SLCO3A1: variants seen among roughly 807,000 people sequenced by gnomAD.
SLCO3A1 encodes PGE1 transporter.
A neutral mutation model predicts 63.1 loss-of-function variants in SLCO3A1; 27 were observed. That is an observed-to-expected ratio of 0.43 (90% CI 0.32 to 0.59). The LOEUF is 0.59. SLCO3A1 is among the 20% of genes least tolerant of loss of function. SLCO3A1 has a pLI of 0.09. For synonymous variants in SLCO3A1, 473 were observed against 409.9 expected (o/e 1.15, Z -1.86); for missense variants, 773 against 945.8 (o/e 0.82, Z 2.40).
Position 91,886,592 on chromosome 15 carries a change from C to T in SLCO3A1, c.181-29401C>T, listed in dbSNP as rs2151352090. On this transcript the variant is annotated intron_variant, in intron 1 of 9. Coordinates refer to ENST00000318445, the MANE Select transcript of SLCO3A1 (RefSeq NM_013272.4). This position sits in a 1 kb window ranked among gnomAD's most constrained non-coding sequence, Gnocchi z 4.9. ...CGTCAGTGTTGTTTCTACGGTGTGACCATATTTGATGTGCTTACTGATTCC... is the reference window on the plus strand; with the variant it reads ...CGTCAGTGTTGTTTCTACGGTGTGATCATATTTGATGTGCTTACTGATTCC... Among the ~76,000 whole-genome samples, 1 of 152,280 alleles carries T rather than the reference C, an allele frequency of 6.6e-6. No individual in the cohort carries two copies. The highest frequency in any genetic ancestry group is 1.5e-5 in the Non-Finnish European group (1 of 68,036).
At chr15:92,097,339 CT>C (rs2047551557) in intron 3 of SLCO3A1, among the ~76,000 whole-genome samples, 1 of 152,224 alleles carries the variant, frequency 6.6e-6, no homozygotes, top group South Asian at 2.1e-4. Flanking sequence ...TCACCAAACT[CT>C]CTTAGGAGAA....
intron 9 of SLCO3A1, chr15:92,161,950 A>T (rs2048443813): frequency 7.5e-6 from 1 of 132,890 alleles, no homozygotes; most frequent in African/African-American, 2.9e-5. Context: ...CACACACAGT[A>T]TGCCGGCGCT....
intron 1 of SLCO3A1, among the ~76,000 whole-genome samples, chr15:91,907,751 C>CCTG (rs2151374395): frequency 6.6e-6 from 1 of 150,794 alleles, no homozygotes; most frequent in South Asian, 2.1e-4. Flanking sequence ...GTCTTGAACT[C>CCTG]CTGACCTCAG....
At chr15:91,957,978 C>T (rs1282204488) in intron 2 of SLCO3A1, among the ~76,000 whole-genome samples, 1 of 152,070 alleles carries the variant, frequency 6.6e-6, no homozygotes, top group Non-Finnish European at 1.5e-5. Flanking sequence ...TACATTTGAT[C>T]CATGAACAAC....
chr15:92,165,207 A>G lies in SLCO3A1; in HGVS notation c.*2072A>G. 1.0e-6 allele frequency: 1 copy of G among 985,404 alleles called. No homozygotes were observed. Among genetic ancestry groups the G allele is most frequent in the Non-Finnish European group, 1.2e-6 (1 of 829,930 alleles). The allele number at this position is 985,404 out of a possible 1,614,324, so 61.0% of individuals were successfully genotyped here. ...ACCGTGATCAGCTACCTGGGGCAGG[A>G]TGCTTCTGAGACAGGCCTTTCAACT... On this transcript the variant is annotated 3_prime_UTR_variant, in exon 10 of 10. Transcript: ENST00000318445.
rs972238196 is a variant in SLCO3A1, at chr15:92,110,175, T to G, written c.1009+5633T>G. Among the ~76,000 whole-genome samples, 109 of 152,246 alleles carry G rather than the reference T, an allele frequency of 7.2e-4. 1 individual carries two copies. Among genetic ancestry groups the G allele is most frequent in the African/African-American group, 2.5e-3 (104 of 41,552 alleles). ...GAGGAGCTGAGATCCTCCTGGGTCC[T>G]TGTAACCTCCCCTCCCCTCCAGCAA... On this transcript the variant is annotated intron_variant, in intron 4 of 9. Coordinates refer to ENST00000318445, the MANE Select transcript of SLCO3A1 (RefSeq NM_013272.4).
chr15:91,909,997 C>T (rs778759091), intron 1 of SLCO3A1, among the ~76,000 whole-genome samples: 1 of 152,212 alleles, frequency 6.6e-6, no homozygotes, highest in Non-Finnish European at 1.5e-5. Flanking sequence ...AAGAGCGGCT[C>T]CTGCTCAAGA....
At chr15:91,893,530 T>A (rs1186998461) in intron 1 of SLCO3A1, among the ~76,000 whole-genome samples, 1 of 152,178 alleles carries the variant, frequency 6.6e-6, no homozygotes, top group Non-Finnish European at 1.5e-5. Flanking sequence ...GCCTCTGTTA[T>A]AAGGGCACTA....
intron 2 of SLCO3A1, among the ~76,000 whole-genome samples, chr15:91,937,752 A>T (rs1470346562): frequency 6.6e-6 from 1 of 151,754 alleles, no homozygotes; most frequent in Non-Finnish European, 1.5e-5. Flanking sequence ...TGAGGCTTAT[A>T]AATCTGTGGA....
intron 2 of SLCO3A1, among the ~76,000 whole-genome samples, chr15:91,956,766 G>GGCCTT (rs1416698293): frequency 6.8e-6 from 1 of 147,862 alleles, no homozygotes; most frequent in Non-Finnish European, 1.5e-5. Context: ...GACTTGCTGT[G>GGCCTT]GCCTTGCCTT....
chr15:91,871,576 GT>G (rs1206713324), intron 1 of SLCO3A1, among the ~76,000 whole-genome samples: 2 of 152,040 alleles, frequency 1.3e-5, no homozygotes, highest in Non-Finnish European at 2.9e-5. Flanking sequence ...CTACTCAGGT[GT>G]TTTTTTCTAG....
chr15:91,962,340 A>G (rs983435626), intron 2 of SLCO3A1, among the ~76,000 whole-genome samples: 2 of 151,980 alleles, frequency 1.3e-5, no homozygotes, highest in Non-Finnish European at 2.9e-5. Context: ...TTAGCCAGGC[A>G]TGGTGGCACA....
At chr15:91,877,250 C>T (rs747694358) in intron 1 of SLCO3A1, among the ~76,000 whole-genome samples, 11 of 152,192 alleles carry the variant, frequency 7.2e-5, no homozygotes, top group Admixed American at 1.3e-4. Context: ...CTTCTTCAAA[C>T]GATGATGGCT....
chr15:91,884,877 C>G (rs72750059), intron 1 of SLCO3A1, among the ~76,000 whole-genome samples: 9,962 of 151,580 alleles, frequency 0.066, 459 homozygotes, highest in Non-Finnish European at 0.1. Context: ...TAAGCTGATT[C>G]TTTTAGACCT....
intron 1 of SLCO3A1, among the ~76,000 whole-genome samples, chr15:91,905,117 G>A (rs1898262631): frequency 6.6e-6 from 1 of 152,136 alleles, no homozygotes. Context: ...GAGATTCCTG[G>A]GAACCAAAGC....
At chr15:91,957,797 T>G (rs1276852058) in intron 2 of SLCO3A1, among the ~76,000 whole-genome samples, 1 of 152,174 alleles carries the variant, frequency 6.6e-6, no homozygotes, top group East Asian at 1.9e-4. Flanking sequence ...CATGCTTCAT[T>G]AATTAGATAT....
At chr15:91,957,142 T>TATAATATATATAATATATAGTATATA (rs1357276396) in intron 2 of SLCO3A1, among the ~76,000 whole-genome samples, 165 of 5,430 alleles carry the variant, frequency 0.03, 52 homozygotes, top group Admixed American at 0.045. Context: ...ATACTATATA[T>TATAATATATATAATATATAGTATATA]TATAATATAT....
At chr15:92,116,536 A>G (rs1232727554) in intron 4 of SLCO3A1, among the ~76,000 whole-genome samples, 2 of 152,208 alleles carry the variant, frequency 1.3e-5, no homozygotes, top group Non-Finnish European at 2.9e-5. Flanking sequence ...CGGGGGGTAC[A>G]TGGCTAAGAG....
At chr15:92,099,326 A>G (rs1279860187) in intron 3 of SLCO3A1, among the ~76,000 whole-genome samples, 1 of 152,216 alleles carries the variant, frequency 6.6e-6, no homozygotes, top group Non-Finnish European at 1.5e-5. Flanking sequence ...GCCACCCTCC[A>G]GCCTTAGTCC....
Sources: gnomAD v4.1 joint callset for allele counts (sites outside exome capture counted in the v4.1 genomes callset) on GRCh38, gnomAD v4.1.1 for gene constraint, Gnocchi (gnomAD v3.1) non-coding constraint, MANE v1.5 for transcripts, NCBI Gene and HGNC (gene_info 2026-07-23, HGNC 2026-07-21) for gene names.